The following TANC1 variants were observed in gnomAD, a reference collection of about 807,000 sequenced individuals.
TANC1 encodes the protein protein TANC1.
Under a neutral mutation model 149.7 loss-of-function variants are expected in TANC1, and 77 were observed. The ratio of observed to expected loss-of-function variants is 0.51; its 90% confidence interval spans 0.43 to 0.62. TANC1 has a LOEUF of 0.62. Ranked by LOEUF, TANC1 falls within the 20% of genes least tolerant of loss-of-function variation. The pLI, the probability that TANC1 is intolerant of heterozygous loss-of-function variation, is 0.00. For synonymous variants in TANC1, 854 were observed against 925.0 expected, an observed-to-expected ratio of 0.92 and a Z score of 1.39; for missense variants, 1,985 against 2,321.8, an observed-to-expected ratio of 0.85 and a Z score of 2.98.
rs779370060 is a variant in TANC1, at chr2:159,228,835, G to A, written c.4090G>A (p.Glu1364Lys). ...MAEEFASKAL[E>K]LKPKSYEAFY... is the part of the protein sequence containing the mutation. Reference sequence around the variant, plus strand: ...AGAGGAATTTGCTTCCAAGGCTCTCGAATTGAAGCCCAAGTCCTATGAAGC... The same window carrying A: ...AGAGGAATTTGCTTCCAAGGCTCTCAAATTGAAGCCCAAGTCCTATGAAGC... The change falls in exon 26 of 27, where the codon GAA (glutamate) becomes AAA (lysine). Residue 1364 changes from glutamate to lysine, a missense_variant. Transcript: ENST00000263635. The A allele has an allele frequency of 1.7e-5, 27 of 1,614,000 alleles. No homozygotes were observed. Among genetic ancestry groups the A allele is most frequent in the African/African-American group, 2.7e-5 (2 of 74,906 alleles).
chr2:159,156,873 C>T (rs931281988), intron 7 of TANC1, among the ~76,000 whole-genome samples: 4 of 152,206 alleles, frequency 2.6e-5, no homozygotes, highest in South Asian at 2.1e-4. Context: ...CCATCCTCCC[C>T]GCCCAGCACC....
intron 2 of TANC1, among the ~76,000 whole-genome samples, chr2:159,036,271 A>G (rs1398010580): frequency 6.6e-6 from 1 of 152,210 alleles, no homozygotes; most frequent in African/African-American, 2.4e-5. Context: ...CAGTGAGGTC[A>G]TCAACCTTAT....
At chr2:159,095,733 CAAAAAAAAAAA>C (rs61191170) in intron 3 of TANC1, among the ~76,000 whole-genome samples, 1 of 100,444 alleles carries the variant, frequency 1.0e-5, no homozygotes, top group African/African-American at 3.8e-5. Context: ...AAGACTGTCT[CAAAAAAAAAAA>C]AAAAAAAAAA....
chr2:159,160,047 G>A (rs2053887009), intron 7 of TANC1, among the ~76,000 whole-genome samples: 3 of 152,108 alleles, frequency 2.0e-5, no homozygotes, highest in Admixed American at 6.5e-5. Context: ...TAGTACAAAG[G>A]AAGATAAGAC....
intron 1 of TANC1, among the ~76,000 whole-genome samples, chr2:158,992,816 G>A (rs1275999943): frequency 2.6e-5 from 4 of 151,850 alleles, no homozygotes; most frequent in Admixed American, 6.6e-5. Flanking sequence ...CACCGCTCCC[G>A]GACTGTGTAA....
At chr2:158,991,047 G>A (rs1182651829) in intron 1 of TANC1, among the ~76,000 whole-genome samples, 2 of 142,680 alleles carry the variant, frequency 1.4e-5, no homozygotes, top group Non-Finnish European at 1.5e-5. Flanking sequence ...AGCTGAGATT[G>A]CGCCACTGCA....
At chr2:159,098,404 G>A (rs116287391) in intron 4 of TANC1, among the ~76,000 whole-genome samples, 1,663 of 152,228 alleles carry the variant, frequency 0.011, 22 homozygotes, top group South Asian at 0.033. Context: ...GAGGATGTTC[G>A]CACAATGACA....
At chr2:159,073,285 G>T (rs765829097) in intron 3 of TANC1, among the ~76,000 whole-genome samples, 1 of 152,180 alleles carries the variant, frequency 6.6e-6, no homozygotes, top group African/African-American at 2.4e-5. Context: ...GTAGGGAACA[G>T]ATATCTACCG....
intron 5 of TANC1, among the ~76,000 whole-genome samples, chr2:159,140,937 C>T (rs1259793225): frequency 1.3e-5 from 2 of 152,090 alleles, no homozygotes; most frequent in East Asian, 1.9e-4. Flanking sequence ...GTGACCCACC[C>T]GCCTTGGCCT....
chr2:159,048,726 C>G (rs543570638), intron 2 of TANC1, among the ~76,000 whole-genome samples: 1 of 152,122 alleles, frequency 6.6e-6, no homozygotes, highest in Non-Finnish European at 1.5e-5. Flanking sequence ...TAGTTTAGAA[C>G]AGGTAAGGAT....
At chr2:159,207,230 A>C (rs1575258487) in intron 19 of TANC1, among the ~76,000 whole-genome samples, 1 of 152,276 alleles carries the variant, frequency 6.6e-6, no homozygotes, top group African/African-American at 2.4e-5. Context: ...GGCCAGAATT[A>C]GAGGGGAACA....
intron 4 of TANC1, among the ~76,000 whole-genome samples, chr2:159,124,789 G>T (rs2049225604): frequency 6.6e-6 from 1 of 151,710 alleles, no homozygotes; most frequent in Non-Finnish European, 1.5e-5. Context: ...ACCCAGACTG[G>T]AGTACAGTAG....
At chr2:159,146,453 A>T (rs968240306) in intron 5 of TANC1, among the ~76,000 whole-genome samples, 3 of 152,078 alleles carry the variant, frequency 2.0e-5, no homozygotes, top group African/African-American at 7.2e-5. Context: ...AACCCCGGGT[A>T]AGGGTTTAGA....
intron 4 of TANC1, among the ~76,000 whole-genome samples, chr2:159,126,002 C>T (rs2049407514): frequency 6.6e-6 from 1 of 152,172 alleles, no homozygotes; most frequent in Non-Finnish European, 1.5e-5. Flanking sequence ...AAGGTGGCTT[C>T]CTTCTCACAC....
intron 2 of TANC1, among the ~76,000 whole-genome samples, chr2:159,059,721 T>A (rs2149651926): frequency 6.6e-6 from 1 of 152,156 alleles, no homozygotes; most frequent in Admixed American, 6.5e-5. Context: ...AGGGAAAGTG[T>A]GAGAGAAATC....
chr2:159,178,602 T>C lies in TANC1; in HGVS notation c.1949T>C (p.Phe650Ser), dbSNP rs771019464. 4 of 1,604,994 alleles carry C rather than the reference T, an allele frequency of 2.5e-6. No individual in the cohort carries two copies. The East Asian group carries it at 6.7e-5, about 27-fold the overall frequency. The stretch of plus-strand genomic sequence containing the variant: ...TTTGTCAAGCTTTCCTTAGATGACT[T>C]CCCAGACAACAAAGACATCCACAGT... ...LPFVKLSLDDFPDNKDIHSDL... is the reference protein window; with the variant it reads ...LPFVKLSLDDSPDNKDIHSDL... Residue 650 changes from phenylalanine (F) to serine (S), a missense_variant, in exon 14 of 27, where the codon TTC becomes TCC. By Grantham distance (155) the Phe-to-Ser change is radical. Transcript: ENST00000263635.
intron 1 of TANC1, among the ~76,000 whole-genome samples, chr2:158,992,747 C>T (rs965243825): frequency 6.5e-4 from 97 of 149,532 alleles, no homozygotes; most frequent in African/African-American, 2.2e-3. Context: ...GTCTCGATCT[C>T]CTGACCTCGT....
chr2:159,004,539 G>T (rs982119034), intron 2 of TANC1, among the ~76,000 whole-genome samples: 1 of 152,016 alleles, frequency 6.6e-6, no homozygotes, highest in Non-Finnish European at 1.5e-5. Flanking sequence ...TGAAGTATTG[G>T]TGCAGTTTGA....
chr2:159,019,249 G>C (rs1016267236), intron 2 of TANC1, among the ~76,000 whole-genome samples: 1 of 152,190 alleles, frequency 6.6e-6, no homozygotes, highest in Non-Finnish European at 1.5e-5. Context: ...CTGAAGCCCA[G>C]CAGCCACGCA....
Sources: allele counts gnomAD v4.1 joint callset (sites outside exome capture counted in the v4.1 genomes callset), GRCh38; gene constraint gnomAD v4.1.1; transcripts MANE v1.5; gene names NCBI Gene and HGNC (gene_info 2026-07-23, HGNC 2026-07-21).